SPATA16: variants seen among roughly 807,000 people sequenced by gnomAD.
The protein encoded by SPATA16 is spermatogenesis associated 16.
A neutral mutation model predicts 63.3 loss-of-function variants in SPATA16; 36 were observed. The observed-to-expected ratio is 0.57, with a 90% CI of 0.44 to 0.75. SPATA16 has a LOEUF of 0.75. Ranked by LOEUF, SPATA16 falls within the 30% of genes least tolerant of loss-of-function variation. SPATA16 has a pLI of 0.00. For synonymous variants in SPATA16, 203 were observed against 216.7 expected (o/e 0.94, Z 0.56); for missense variants, 646 against 679.3 (o/e 0.95, Z 0.54).
Position 173,111,896 on chromosome 3 carries a change from C to A in SPATA16, c.612+5224G>T, listed in dbSNP as rs111672757. On this transcript the variant is annotated intron_variant, in intron 2 of 10. Coordinates refer to ENST00000351008, the MANE Select transcript of SPATA16 (RefSeq NM_031955.6). ...GCTGGTTCTCAGACCAATGTTTTAC[C>A]GATCCAAGGGAAAATAAAAAATAAA... Among the ~76,000 whole-genome samples, 413 of 152,084 alleles carry A rather than the reference C, an allele frequency of 2.7e-3. 1 individual carries two copies. Among genetic ancestry groups the A allele is most frequent in the African/African-American group, 9.5e-3 (393 of 41,458 alleles).
chr3:173,008,117 A>G (rs1734984985), intron 4 of SPATA16, among the ~76,000 whole-genome samples: 1 of 152,110 alleles, frequency 6.6e-6, no homozygotes, highest in Admixed American at 6.5e-5. Context: ...GAGACATTAA[A>G]CTACAGGATT....
intron 2 of SPATA16, among the ~76,000 whole-genome samples, chr3:173,081,709 C>T (rs997420488): frequency 6.6e-6 from 1 of 151,986 alleles, no homozygotes; most frequent in African/African-American, 2.4e-5. Context: ...TAAAACCGTT[C>T]GTGAGATTAC....
intron 4 of SPATA16, among the ~76,000 whole-genome samples, chr3:172,994,049 C>T (rs1560090791): frequency 6.6e-6 from 1 of 152,034 alleles, no homozygotes; most frequent in East Asian, 1.9e-4. Flanking sequence ...ACATCATTCC[C>T]AATACTTTTG....
intron 2 of SPATA16, among the ~76,000 whole-genome samples, chr3:173,062,208 G>A (rs1237212646): frequency 3.3e-5 from 5 of 152,056 alleles, no homozygotes; most frequent in Non-Finnish European, 5.9e-5. Flanking sequence ...TTGTTTCAGA[G>A]ACCACTAAAT....
At chr3:172,911,571 T>C (rs1439463041) in intron 10 of SPATA16, among the ~76,000 whole-genome samples, 2 of 152,242 alleles carry the variant, frequency 1.3e-5, no homozygotes, top group Non-Finnish European at 1.5e-5. Context: ...TTTCCATTCA[T>C]ATATCTGGCA....
Position 173,078,639 on chromosome 3 carries a change from T to C in SPATA16, c.613-29545A>G, listed in dbSNP as rs192435664. ...GGGTGACCAGAAAGGAGAAATGATA[T>C]CAAGTTTCCAGTCTAACTTGACTTC... On this transcript the variant is annotated intron_variant, in intron 2 of 10. Coordinates refer to ENST00000351008, the MANE Select transcript of SPATA16 (RefSeq NM_031955.6). Among the ~76,000 whole-genome samples the C allele has an allele frequency of 3.9e-5, 6 of 152,300 alleles. No homozygotes were observed. The East Asian group carries it at 1.2e-3, about 29-fold the overall frequency.
At chr3:172,893,270 A>G (rs1012415428) in intron 10 of SPATA16, among the ~76,000 whole-genome samples, 8 of 152,218 alleles carry the variant, frequency 5.3e-5, no homozygotes, top group African/African-American at 1.7e-4. Context: ...CCCTAATCCA[A>G]AATGACTGGT....
chr3:172,916,962 A>T (rs968629), intron 8 of SPATA16, among the ~76,000 whole-genome samples: 1 of 152,098 alleles, frequency 6.6e-6, no homozygotes, highest in Non-Finnish European at 1.5e-5. Flanking sequence ...CCAATAGCTT[A>T]CATGAAACCT....
intron 4 of SPATA16, among the ~76,000 whole-genome samples, chr3:173,013,602 T>C (rs1320899338): frequency 6.6e-6 from 1 of 152,196 alleles, no homozygotes; most frequent in East Asian, 1.9e-4. Context: ...GTTAATCAAA[T>C]TGTAACAGGT....
intron 1 of SPATA16, among the ~76,000 whole-genome samples, chr3:173,139,670 G>A (rs1738646017): frequency 6.6e-6 from 1 of 152,154 alleles, no homozygotes; most frequent in East Asian, 1.9e-4. Flanking sequence ...GAGGAATGTA[G>A]CTTCAGTCAC....
chr3:172,978,135 C>T (rs1734208814), intron 4 of SPATA16, among the ~76,000 whole-genome samples: 1 of 149,192 alleles, frequency 6.7e-6, no homozygotes, highest in Non-Finnish European at 1.5e-5. Flanking sequence ...CTCTCTCTCT[C>T]TCCCTCTCTC....
chr3:172,959,819 T>TATATATATATATATATATATATATA (rs1733708169), intron 5 of SPATA16, among the ~76,000 whole-genome samples: 12 of 145,238 alleles, frequency 8.3e-5, no homozygotes, highest in African/African-American at 3.0e-4. Context: ...TATATATATA[T>TATATATATATATATATATATATATA]TTAGCATTAT....
intron 5 of SPATA16, among the ~76,000 whole-genome samples, chr3:172,959,712 T>G (rs73882552): frequency 0.048 from 7,198 of 151,248 alleles, 577 homozygotes; most frequent in African/African-American, 0.17. Context: ...ATATTTTTTA[T>G]TCTTCTAGAG....
intron 4 of SPATA16, among the ~76,000 whole-genome samples, chr3:173,013,528 TG>T (rs1735116224): frequency 6.6e-6 from 1 of 152,032 alleles, no homozygotes; most frequent in South Asian, 2.1e-4. Context: ...CAAAAGGGGG[TG>T]GGCTAGCTTG....
At chr3:172,931,301 T>G (rs1732866215) in intron 6 of SPATA16, among the ~76,000 whole-genome samples, 1 of 152,202 alleles carries the variant, frequency 6.6e-6, no homozygotes, top group African/African-American at 2.4e-5. Flanking sequence ...AGTGCAGTAA[T>G]GCAATCATAG....
At chr3:173,006,648 C>T (rs980544931) in intron 4 of SPATA16, among the ~76,000 whole-genome samples, 9 of 152,154 alleles carry the variant, frequency 5.9e-5, no homozygotes, top group South Asian at 2.1e-4. Flanking sequence ...TTCCCTGACA[C>T]CAAAAAAGCT....
intron 2 of SPATA16, among the ~76,000 whole-genome samples, chr3:173,070,479 C>T (rs571570062): frequency 6.7e-6 from 1 of 149,926 alleles, no homozygotes; most frequent in African/African-American, 2.5e-5. Context: ...AAATAAACAA[C>T]AGAAAGGAAC....
intron 2 of SPATA16, among the ~76,000 whole-genome samples, chr3:173,052,224 A>G (rs1736117008): frequency 6.6e-6 from 1 of 152,192 alleles, no homozygotes; most frequent in East Asian, 1.9e-4. Context: ...ATAATAGTAA[A>G]GACTGTCTAT....
At chr3:173,047,112 C>G (rs1302201518) in intron 3 of SPATA16, among the ~76,000 whole-genome samples, 1 of 151,810 alleles carries the variant, frequency 6.6e-6, no homozygotes, top group African/African-American at 2.4e-5. Context: ...AGTGAACCTA[C>G]TGAAGCTGAT....
Sources: gnomAD v4.1 joint callset for allele counts (sites outside exome capture counted in the v4.1 genomes callset) on GRCh38, gnomAD v4.1.1 for gene constraint, MANE v1.5 for transcripts, NCBI Gene and HGNC (gene_info 2026-07-23, HGNC 2026-07-21) for gene names.